The following NAV2 variants were observed in gnomAD, a reference collection of about 807,000 sequenced individuals.
The protein encoded by NAV2 is neuron navigator 2.
In NAV2, 54 loss-of-function variants were observed where a neutral mutation model predicts 223.2. That is an observed-to-expected ratio of 0.24 (90% CI 0.19 to 0.30). The LOEUF (loss-of-function observed/expected upper bound fraction) is 0.30. NAV2 is among the 10% of genes least tolerant of loss of function. The probability of loss-of-function intolerance (pLI) is 1.00; values close to 1 mark genes in which losing one functional copy is unlikely to be tolerated. For missense variants in NAV2, 2,806 were observed against 3,147.5 expected (o/e 0.89, Z 2.60); for synonymous variants, 1,279 against 1,239.3 (o/e 1.03, Z -0.67).
intron 10 of NAV2, among the ~76,000 whole-genome samples, chr11:19,976,041 T>A (rs1452048893): frequency 6.6e-6 from 1 of 152,230 alleles, no homozygotes; most frequent in East Asian, 1.9e-4. Context: ...GCATATACTC[T>A]ATAGCGTGCA....
chr11:19,885,038 T>C (rs1044929827), intron 5 of NAV2, among the ~76,000 whole-genome samples: 5 of 152,194 alleles, frequency 3.3e-5, no homozygotes, highest in African/African-American at 7.2e-5. Flanking sequence ...TGAGGACCCA[T>C]CCTATGGTAT....
At chr11:19,461,124 T>C (rs1852142358) in intron 1 of NAV2, among the ~76,000 whole-genome samples, 1 of 152,164 alleles carries the variant, frequency 6.6e-6, no homozygotes, top group Non-Finnish European at 1.5e-5. Context: ...CTGGTCCCCT[T>C]AGTGGAGATC....
chr11:20,076,228 C>T (rs2059743155), intron 22 of NAV2, among the ~76,000 whole-genome samples: 1 of 133,554 alleles, frequency 7.5e-6, no homozygotes, highest in African/African-American at 3.2e-5. Context: ...GAGCTGAAGA[C>T]CTCTAACTCT....
At chr11:19,854,876 C>T (rs778784963) in intron 3 of NAV2, among the ~76,000 whole-genome samples, 24 of 152,098 alleles carry the variant, frequency 1.6e-4, no homozygotes, top group Non-Finnish European at 1.0e-4. Context: ...TTACTTATTG[C>T]CTTGTTGTAC....
At chr11:19,370,115 C>T (rs572681421) in intron 1 of NAV2, among the ~76,000 whole-genome samples, 32 of 152,224 alleles carry the variant, frequency 2.1e-4, no homozygotes, top group Non-Finnish European at 4.1e-4. Flanking sequence ...TTCCCCTTCT[C>T]CCTGATACGC....
chr11:19,617,847 C>T (rs1793752181), intron 1 of NAV2, among the ~76,000 whole-genome samples: 1 of 152,196 alleles, frequency 6.6e-6, no homozygotes, highest in South Asian at 2.1e-4. Flanking sequence ...TCACTCCCCT[C>T]AGGCCATGCT....
At position 19,741,070 on chromosome 11, in the gene NAV2, G is replaced by A. The variant is rs560246152; in HGVS notation, c.267+27108G>A. On this transcript the variant is annotated intron_variant, in intron 1 of 37. Transcript: ENST00000349880. ...GCAATGGCACCATTTTCAAAGATGGGAATGTAACCTTTTCTGACATCAAGG... is the reference window on the plus strand; with the variant it reads ...GCAATGGCACCATTTTCAAAGATGGAAATGTAACCTTTTCTGACATCAAGG... 2.0e-5 allele frequency among the ~76,000 whole-genome samples: 3 copies of A among 152,316 alleles called. No individual in the cohort carries two copies. The East Asian group carries it at 5.8e-4, about 29-fold the overall frequency.
At chr11:20,055,742 C>A in intron 18 of NAV2, 27 bp from the exon 19 acceptor site, 1 of 1,603,448 alleles carries the variant, frequency 6.2e-7, no homozygotes, top group Non-Finnish European at 8.5e-7. Flanking sequence ...AATGTCTAAC[C>A]TTTTGATTCT....
At chr11:19,770,570 C>A (rs974070660) in intron 1 of NAV2, among the ~76,000 whole-genome samples, 23 of 152,176 alleles carry the variant, frequency 1.5e-4, no homozygotes, top group African/African-American at 5.6e-4. Flanking sequence ...CCAGAGGCAC[C>A]TGGCAACCCT....
chr11:19,463,858 A>G (rs1852251643), intron 1 of NAV2, among the ~76,000 whole-genome samples: 1 of 151,860 alleles, frequency 6.6e-6, no homozygotes, highest in South Asian at 2.1e-4. Flanking sequence ...GCAGTAGGGA[A>G]GGGCTGGGCT....
At chr11:19,492,507 A>G (rs2042663841) in intron 1 of NAV2, among the ~76,000 whole-genome samples, 1 of 152,082 alleles carries the variant, frequency 6.6e-6, no homozygotes, top group African/African-American at 2.4e-5. Flanking sequence ...TCTAGCAGCC[A>G]TCTTGTACTA....
chr11:19,597,986 G>T (rs940493712), intron 1 of NAV2, among the ~76,000 whole-genome samples: 7 of 152,366 alleles, frequency 4.6e-5, no homozygotes, highest in Admixed American at 1.3e-4. Flanking sequence ...TCTGCACAGA[G>T]AGACCACGGG....
chr11:19,442,325 A>G (rs962759322), intron 1 of NAV2, among the ~76,000 whole-genome samples: 1 of 152,216 alleles, frequency 6.6e-6, no homozygotes, highest in Non-Finnish European at 1.5e-5. Flanking sequence ...AGGCTTTCAA[A>G]CAGTTCCCGC....
chr11:19,593,286 T>A (rs1257729495), intron 1 of NAV2, among the ~76,000 whole-genome samples: 3 of 152,216 alleles, frequency 2.0e-5, no homozygotes, highest in Non-Finnish European at 2.9e-5. Context: ...TTTTTCCCAC[T>A]CAGCATAATG....
intron 11 of NAV2, among the ~76,000 whole-genome samples, chr11:19,987,962 G>T (rs2050946999): frequency 6.6e-6 from 1 of 152,214 alleles, no homozygotes; most frequent in Non-Finnish European, 1.5e-5. Flanking sequence ...CTGGGAAGAA[G>T]AAGAAATATG....
At chr11:19,484,942 G>A (rs1163575792) in intron 1 of NAV2, among the ~76,000 whole-genome samples, 2 of 152,228 alleles carry the variant, frequency 1.3e-5, no homozygotes, top group Non-Finnish European at 2.9e-5. Flanking sequence ...TTCCTCAGAT[G>A]TAGAACAATC....
chr11:19,751,268 G>C (rs1248681600), intron 1 of NAV2, among the ~76,000 whole-genome samples: 7 of 152,158 alleles, frequency 4.6e-5, no homozygotes. Flanking sequence ...TCTGACTTCG[G>C]AGTCTGAGCT....
chr11:19,500,980 G>A (rs762715469), intron 1 of NAV2, among the ~76,000 whole-genome samples: 2 of 152,152 alleles, frequency 1.3e-5, no homozygotes, highest in Admixed American at 6.5e-5. Context: ...TCAAGGCATC[G>A]GAAGGGCTGT....
chr11:19,889,663 C>T (rs1038626333), intron 5 of NAV2, among the ~76,000 whole-genome samples: 1 of 152,176 alleles, frequency 6.6e-6, no homozygotes, highest in Admixed American at 6.5e-5. Context: ...GAGTAGCTAG[C>T]CACTGACTCA....
Sources: allele counts gnomAD v4.1 joint callset (sites outside exome capture counted in the v4.1 genomes callset), GRCh38; gene constraint gnomAD v4.1.1; transcripts MANE v1.5; gene names NCBI Gene and HGNC (gene_info 2026-07-23, HGNC 2026-07-21).